MMS22L: variants seen among roughly 807,000 people sequenced by gnomAD.
MMS22L encodes protein MMS22-like.
Under a neutral mutation model 159.1 loss-of-function variants are expected in MMS22L, and 74 were observed. The observed-to-expected ratio is 0.47, with a 90% CI of 0.39 to 0.56. MMS22L has a LOEUF of 0.56. Among genes scored for constraint, MMS22L ranks in the 20% least tolerant of loss-of-function variants. MMS22L has a pLI of 0.00. For synonymous variants in MMS22L, 517 were observed against 506.9 expected (o/e 1.02, Z -0.27); for missense variants, 1,351 against 1,422.1 (o/e 0.95, Z 0.80).
chr6:97,162,337 C>A (rs532972645), intron 21 of MMS22L, among the ~76,000 whole-genome samples, 172 bp from the exon 22 acceptor site: 1 of 152,112 alleles, frequency 6.6e-6, no homozygotes, highest in South Asian at 2.1e-4. Flanking sequence ...ATTTTAGAAG[C>A]AATGACTGAC....
chr6:97,155,068 T>G (rs563393593), intron 22 of MMS22L, among the ~76,000 whole-genome samples: 1 of 152,310 alleles, frequency 6.6e-6, no homozygotes, highest in South Asian at 2.1e-4. Context: ...TTTATATCTG[T>G]GAATCTATAG....
chr6:97,157,086 T>C (rs970217379), intron 22 of MMS22L, among the ~76,000 whole-genome samples: 35 of 152,068 alleles, frequency 2.3e-4, no homozygotes, highest in African/African-American at 8.0e-4. Flanking sequence ...CTGTAGCAAT[T>C]GTGAATGGGA....
chr6:97,168,146 T>G lies in MMS22L; in HGVS notation c.2934A>C (p.Ala978=), dbSNP rs375250430. The change falls in exon 20 of 25, where the codon GCA becomes GCC. Residue 978 remains alanine, a synonymous_variant. Coordinates refer to ENST00000683635, the MANE Select transcript of MMS22L (RefSeq NM_001350599.2). ...GCAGTTCCTTCTCTTGCTGTAATAC[T>G]GCATGTGGCAGCAGTAAACAATCTA... ...RIIDCLLLPH[A]VLQQEKELPA... 6.2e-7 allele frequency: 1 copy of G among 1,613,320 alleles called. No homozygotes were observed. The highest frequency in any genetic ancestry group is 1.1e-5 in the South Asian group (1 of 91,048).
chr6:97,172,563 C>T (rs543556978), intron 19 of MMS22L, among the ~76,000 whole-genome samples: 1 of 152,018 alleles, frequency 6.6e-6, no homozygotes, highest in Non-Finnish European at 1.5e-5. Context: ...TGTTATAGAA[C>T]GGGCATAGAA....
chr6:97,175,198 C>A (rs1803997328), intron 18 of MMS22L, among the ~76,000 whole-genome samples: 1 of 152,044 alleles, frequency 6.6e-6, no homozygotes, highest in South Asian at 2.1e-4. Context: ...ATTTCCCAAA[C>A]AAAAAACAAA....
chr6:97,263,245 G>A, intron 9 of MMS22L, 90 bp downstream of exon 9: 1 of 775,638 alleles, frequency 1.3e-6, no homozygotes, highest in Non-Finnish European at 2.1e-6. Context: ...TTATAAAAAA[G>A]GAAGTTAAGA....
chr6:97,194,644 A>T (rs180923070), intron 14 of MMS22L, among the ~76,000 whole-genome samples: 1 of 152,200 alleles, frequency 6.6e-6, no homozygotes, highest in African/African-American at 2.4e-5. Flanking sequence ...CTAAGTAACA[A>T]GATCATACAT....
chr6:97,220,952 C>A (rs1441295634), intron 14 of MMS22L, among the ~76,000 whole-genome samples: 2 of 143,022 alleles, frequency 1.4e-5, no homozygotes, highest in Non-Finnish European at 3.0e-5. Flanking sequence ...CAAGATAAGA[C>A]CCCTGACACA....
intron 15 of MMS22L, among the ~76,000 whole-genome samples, chr6:97,185,545 G>A (rs1805137086): frequency 6.6e-6 from 1 of 152,110 alleles, no homozygotes. Flanking sequence ...GCTTAAACTG[G>A]CTGAATATCA....
intron 14 of MMS22L, among the ~76,000 whole-genome samples, chr6:97,202,606 T>C (rs185445079): frequency 2.6e-5 from 4 of 152,212 alleles, no homozygotes; most frequent in Non-Finnish European, 2.9e-5. Context: ...TCATCTACAG[T>C]TTGGTGATGA....
intron 9 of MMS22L, 73 bp from the exon 10 acceptor site, chr6:97,254,806 T>C: frequency 8.0e-7 from 1 of 1,249,668 alleles, no homozygotes; most frequent in Non-Finnish European, 1.1e-6. Flanking sequence ...TTTTCTCTAT[T>C]TTTATAATGA....
intron 14 of MMS22L, among the ~76,000 whole-genome samples, chr6:97,189,551 C>CAAAAAAAA (rs67620002): frequency 7.2e-5 from 4 of 55,224 alleles, no homozygotes; most frequent in Non-Finnish European, 9.1e-5. Flanking sequence ...ACTCTGTCTC[C>CAAAAAAAA]AAAAAAAAAA....
chr6:97,143,981 G>A lies in MMS22L; in HGVS notation c.*2825C>T, dbSNP rs1800762366. The stretch of plus-strand genomic sequence containing the variant: ...ACCTGTAGTCCCAGCTACTTGGGAG[G>A]CTGAGGCAGGAGAATGGCGTGAACC... On this transcript the variant is annotated 3_prime_UTR_variant, in exon 25 of 25. Coordinates refer to ENST00000683635, the MANE Select transcript of MMS22L (RefSeq NM_001350599.2). 1.3e-5 allele frequency: 2 copies of A among 151,848 alleles called. No homozygotes were observed. The highest frequency in any genetic ancestry group is 6.6e-5 in the Admixed American group (1 of 15,254). The allele number at this position is 151,848 out of a possible 1,614,324, so 9.4% of individuals were successfully genotyped here. A position where few individuals can be genotyped will look rare whatever the true frequency, so the allele number is the denominator to read the frequency against.
chr6:97,194,978 T>C (rs185973213), intron 14 of MMS22L, among the ~76,000 whole-genome samples: 56 of 152,202 alleles, frequency 3.7e-4, no homozygotes, highest in African/African-American at 1.3e-3. Flanking sequence ...GAGAGACAGA[T>C]AATTAAACAT....
intron 11 of MMS22L, among the ~76,000 whole-genome samples, chr6:97,245,516 A>G (rs1400977545): frequency 6.6e-6 from 1 of 152,172 alleles, no homozygotes; most frequent in Non-Finnish European, 1.5e-5. Context: ...CTGAAATAAA[A>G]AATATACATA....
intron 11 of MMS22L, among the ~76,000 whole-genome samples, chr6:97,237,275 T>C (rs9488314): frequency 0.64 from 98,012 of 152,034 alleles, 33,105 homozygotes; most frequent in Non-Finnish European, 0.76. Context: ...GCAGAAATAG[T>C]GTACAGGTAA....
intron 14 of MMS22L, among the ~76,000 whole-genome samples, chr6:97,200,990 T>C (rs1006693251): frequency 3.3e-5 from 5 of 152,124 alleles, no homozygotes; most frequent in African/African-American, 9.7e-5. Context: ...GTTACTCTTA[T>C]GGGAATAAGA....
intron 24 of MMS22L, among the ~76,000 whole-genome samples, chr6:97,149,389 T>C (rs1562386618): frequency 6.6e-6 from 1 of 152,218 alleles, no homozygotes. Flanking sequence ...TCTTATTTCC[T>C]ATTTTTGACC....
At chr6:97,245,162 TAAGA>T (rs1052333569) in intron 11 of MMS22L, among the ~76,000 whole-genome samples, 28 of 152,072 alleles carry the variant, frequency 1.8e-4, no homozygotes, top group Admixed American at 6.5e-4. Context: ...TAAAGCTTCT[TAAGA>T]AATATTCTGT....
Sources: gnomAD v4.1 joint callset for allele counts (sites outside exome capture counted in the v4.1 genomes callset) on GRCh38, gnomAD v4.1.1 for gene constraint, MANE v1.5 for transcripts, NCBI Gene and HGNC (gene_info 2026-07-23, HGNC 2026-07-21) for gene names.